Variants in ATM observed in about 807,000 individuals in gnomAD.
ATM encodes ATM serine/threonine kinase.
In ATM, 308 loss-of-function variants were observed where a neutral mutation model predicts 387.0. The observed-to-expected ratio is 0.80, with a 90% CI of 0.73 to 0.87. ATM has a LOEUF of 0.87. Among genes scored for constraint, ATM ranks in the 40% least tolerant of loss-of-function variants. The pLI is 0.00. For missense variants in ATM, 3,312 were observed against 3,560.9 expected (o/e 0.93, Z 1.78); for synonymous variants, 1,156 against 1,187.3 (o/e 0.97, Z 0.54).
At position 108,287,489 on chromosome 11, in the gene ATM, C is replaced by G. The variant is rs879004695; in HGVS notation, c.3994-111C>G. ...TCTTGGACTTTGAGTCATCTATTTTCTTTTACAGTCATCGAATACTTTTGG... is the reference window on the plus strand; with the variant it reads ...TCTTGGACTTTGAGTCATCTATTTTGTTTTACAGTCATCGAATACTTTTGG... On this transcript the variant is annotated intron_variant, in intron 26 of 62. Coordinates refer to ENST00000675843, the MANE Select transcript of ATM (RefSeq NM_000051.4). 98 of 673,690 alleles carry G rather than the reference C, an allele frequency of 1.5e-4. No individual in the cohort carries two copies. The highest frequency in any genetic ancestry group is 7.9e-4 in the Middle Eastern group (2 of 2,538). The allele number at this position is 673,690 out of a possible 1,614,324, so 41.7% of individuals were successfully genotyped here.
chr11:108,282,704 G>A lies in ATM; in HGVS notation c.3577-6G>A, dbSNP rs56006345. 38 of 1,611,712 alleles carry A rather than the reference G, an allele frequency of 2.4e-5. No individual in the cohort carries two copies. The East Asian group carries it at 3.6e-4, about 15-fold the overall frequency. On this transcript the variant is annotated splice_region_variant and splice_polypyrimidine_tract_variant and intron_variant, in intron 24 of 62. Transcript: ENST00000675843. ...TCTTAACACATTGACTTTTTGGTTC[G>A]TGCAGGTTTTAGAGAAAGTTTCTGA...
intron 45 of ATM, among the ~76,000 whole-genome samples, chr11:108,321,890 T>C (rs1173144318): frequency 1.3e-5 from 2 of 152,226 alleles, no homozygotes; most frequent in African/African-American, 4.8e-5. Flanking sequence ...TTAAACATTT[T>C]CCAAAATAGT....
chr11:108,339,139 T>C (rs1364835958), intron 56 of ATM, among the ~76,000 whole-genome samples: 1 of 152,222 alleles, frequency 6.6e-6, no homozygotes, highest in Non-Finnish European at 1.5e-5. Context: ...AGCTCAGACA[T>C]AGCCCTTAAC....
intron 27 of ATM, 77 bp downstream of exon 27, chr11:108,287,792 A>G: frequency 9.8e-7 from 1 of 1,020,534 alleles, no homozygotes; most frequent in Non-Finnish European, 1.5e-6. Context: ...GACACCTTCA[A>G]TGTCTATTTC....
intron 29 of ATM, 79 bp from the exon 30 acceptor site, chr11:108,292,540 G>A (rs2135794971): frequency 1.3e-6 from 2 of 1,493,996 alleles, no homozygotes; most frequent in Non-Finnish European, 1.9e-6. Context: ...CTGAACAAAA[G>A]GACTTCTGAA....
At chr11:108,256,796 C>T (rs1241450867) in intron 14 of ATM, among the ~76,000 whole-genome samples, 1 of 152,100 alleles carries the variant, frequency 6.6e-6, no homozygotes, top group African/African-American at 2.4e-5. Flanking sequence ...TGTTAGTTTG[C>T]TGGGAATGAT....
At chr11:108,363,051 C>G (rs1021950137) in intron 61 of ATM, among the ~76,000 whole-genome samples, 3 of 152,154 alleles carry the variant, frequency 2.0e-5, no homozygotes, top group Non-Finnish European at 2.9e-5. Context: ...ATCTTCCCTC[C>G]GTAAATCTGT....
chr11:108,367,572 C>T lies in ATM; in HGVS notation c.*2064C>T, dbSNP rs1271290545. Reference sequence around the variant, plus strand: ...TCCATCCTTAGGAAAATGTTCATCCCAGCTGCGGAGATTAACAAATGGGTG... The same window carrying T: ...TCCATCCTTAGGAAAATGTTCATCCTAGCTGCGGAGATTAACAAATGGGTG... On this transcript the variant is annotated 3_prime_UTR_variant, in exon 63 of 63. Transcript: ENST00000675843. 1 of 206,548 alleles carries T rather than the reference C, an allele frequency of 4.8e-6. No homozygotes were observed. Among genetic ancestry groups the T allele is most frequent in the Non-Finnish European group, 9.9e-6 (1 of 101,128 alleles). The allele number at this position is 206,548 out of a possible 1,614,324, so 12.8% of individuals were successfully genotyped here. A position where few individuals can be genotyped will look rare whatever the true frequency, so the allele number is the denominator to read the frequency against.
chr11:108,235,295 CAAAA>C (rs781029926), intron 4 of ATM, among the ~76,000 whole-genome samples: 1 of 77,736 alleles, frequency 1.3e-5, no homozygotes. Context: ...GATTCCATCT[CAAAA>C]AAAAAAAAAA....
intron 5 of ATM, among the ~76,000 whole-genome samples, chr11:108,241,738 C>CTTTTT (rs1235260816): frequency 1.2e-5 from 1 of 82,088 alleles, no homozygotes; most frequent in East Asian, 3.2e-4. Context: ...GTCTTTCTTT[C>CTTTTT]TTTCTTTTTT....
intron 52 of ATM, 119 bp downstream of exon 52, chr11:108,332,156 G>T: frequency 1.5e-6 from 2 of 1,296,084 alleles, no homozygotes; most frequent in Middle Eastern, 2.6e-4. Flanking sequence ...AGGCTGGCAC[G>T]GTGGCTCACG....
chr11:108,268,721 T>C, intron 18 of ATM, 112 bp downstream of exon 18: 3 of 1,213,542 alleles, frequency 2.5e-6, no homozygotes, highest in Admixed American at 3.6e-5. Context: ...GAAATTGCTT[T>C]CTTGAGAAAT....
In ATM at chr11:108,243,963, T is replaced by C. The variant is rs758619186; in HGVS notation, c.507T>C (p.Ser169=). The C allele has an allele frequency of 1.3e-5, 21 of 1,587,992 alleles. No homozygotes were observed. The highest frequency in any genetic ancestry group is 3.3e-4 in the Middle Eastern group (2 of 6,022). Reference sequence around the variant, plus strand: ...TTTTTTTTTTTTAAGAATTGTTCTCTGTGTACTTCAGGCTCTATCTGAAAC... The same window carrying C: ...TTTTTTTTTTTTAAGAATTGTTCTCCGTGTACTTCAGGCTCTATCTGAAAC... ...ISQQQWLELF[S]VYFRLYLKPS... The change falls in exon 6 of 63, where the codon TCT becomes TCC. Residue 169 remains serine, a synonymous_variant. Transcript: ENST00000675843.
intron 50 of ATM, chr11:108,331,077 C>T: frequency 2.6e-6 from 2 of 771,160 alleles, no homozygotes; most frequent in Non-Finnish European, 3.2e-6. Flanking sequence ...TACTTTTGGC[C>T]TATGGGGAAA....
intron 61 of ATM, among the ~76,000 whole-genome samples, chr11:108,356,451 G>C (rs1037347976): frequency 2.0e-5 from 3 of 150,682 alleles, no homozygotes; most frequent in African/African-American, 7.3e-5. Flanking sequence ...CAGGAGAATC[G>C]CTTGAACCCA....
At chr11:108,268,145 CT>C (rs928513488) in intron 17 of ATM, among the ~76,000 whole-genome samples, 1 of 151,740 alleles carries the variant, frequency 6.6e-6, no homozygotes, top group African/African-American at 2.4e-5. Flanking sequence ...AATTTAGATT[CT>C]TTTCTATTTT....
chr11:108,331,668 GT>G (rs2086250610), intron 51 of ATM, 111 bp downstream of exon 51: 1 of 1,392,764 alleles, frequency 7.2e-7, no homozygotes, highest in African/African-American at 1.5e-5. Context: ...ACAAAATTTT[GT>G]ATTTTTTGTC....
At chr11:108,271,953 A>C (rs1447071746) in intron 20 of ATM, among the ~76,000 whole-genome samples, 4 of 152,116 alleles carry the variant, frequency 2.6e-5, no homozygotes, top group Non-Finnish European at 4.4e-5. Flanking sequence ...GCTCACTGCA[A>C]CCTCCGCCTA....
intron 59 of ATM, 121 bp downstream of exon 59, chr11:108,347,486 G>T (rs138925902): frequency 1.3e-5 from 11 of 848,278 alleles, no homozygotes; most frequent in African/African-American, 1.2e-4. Flanking sequence ...GTAAATATTG[G>T]GTTTTTTTGT....
Sources: gnomAD v4.1 joint callset for allele counts (sites outside exome capture counted in the v4.1 genomes callset) on GRCh38, gnomAD v4.1.1 for gene constraint, MANE v1.5 for transcripts, NCBI Gene and HGNC (gene_info 2026-07-23, HGNC 2026-07-21) for gene names.